The following SLMAP variants were observed in gnomAD, a reference collection of about 807,000 sequenced individuals.
SLMAP encodes the protein sarcolemmal membrane-associated protein.
Under a neutral mutation model 128.8 loss-of-function variants are expected in SLMAP, and 44 were observed. The ratio of observed to expected loss-of-function variants is 0.34; its 90% CI spans 0.27 to 0.44. SLMAP has a LOEUF of 0.44. SLMAP is among the 20% of genes least tolerant of loss of function. The probability of loss-of-function intolerance (pLI) is 1.00; values close to 1 mark genes in which losing one functional copy is unlikely to be tolerated. For synonymous variants in SLMAP, 327 were observed against 348.8 expected (o/e 0.94, Z 0.70); for missense variants, 787 against 985.3 (o/e 0.80, Z 2.69).
chr3:57,790,219 G>T (rs2085162343), intron 2 of SLMAP, among the ~76,000 whole-genome samples: 1 of 152,184 alleles, frequency 6.6e-6, no homozygotes, highest in South Asian at 2.1e-4. Flanking sequence ...AAAAGTTTGT[G>T]TGTGTATATG....
intron 8 of SLMAP, among the ~76,000 whole-genome samples, chr3:57,859,502 T>A (rs2094948761): frequency 6.6e-6 from 1 of 152,040 alleles, no homozygotes; most frequent in Non-Finnish European, 1.5e-5. Context: ...TTACAGTGAG[T>A]TATGATCGCA....
chr3:57,757,835 C>T lies in SLMAP; in HGVS notation c.184C>T (p.His62Tyr). ...SRNHALVWFDHKTGKFYLQDT... is the reference protein window; with the variant it reads ...SRNHALVWFDYKTGKFYLQDT... ...GAACCACGCTCTCGTCTGGTTTGATCACAAGACGGGCAAGGTAATGTCACC... is the reference window on the plus strand; with the variant it reads ...GAACCACGCTCTCGTCTGGTTTGATTACAAGACGGGCAAGGTAATGTCACC... The change falls in exon 2 of 25, where the codon CAC (histidine) becomes TAC (tyrosine). Residue 62 changes from histidine (H) to tyrosine (Y), a missense_variant. Physicochemically the swap from His to Tyr is moderately conservative, Grantham distance 83 (BLOSUM62 2). This residue lies in a region of SLMAP where 72 missense variants were observed against 141.8 expected (regional missense o/e 0.51). Transcript: ENST00000671191. The T allele has an allele frequency of 6.2e-7, 1 of 1,614,010 alleles. No individual in the cohort carries two copies. Among genetic ancestry groups the T allele is most frequent in the Non-Finnish European group, 8.5e-7 (1 of 1,179,896 alleles).
intron 2 of SLMAP, among the ~76,000 whole-genome samples, chr3:57,819,903 C>A (rs2092345012): frequency 6.6e-6 from 1 of 152,066 alleles, no homozygotes; most frequent in Non-Finnish European, 1.5e-5. Flanking sequence ...AGGCACACAC[C>A]ATCACACCCA....
intron 8 of SLMAP, among the ~76,000 whole-genome samples, chr3:57,858,700 T>C (rs568763503): frequency 1.3e-5 from 2 of 152,198 alleles, no homozygotes; most frequent in Admixed American, 6.6e-5. Context: ...CCCAGCACTT[T>C]GGGAGGATGA....
intron 23 of SLMAP, among the ~76,000 whole-genome samples, chr3:57,924,664 G>T (rs1177548257): frequency 2.0e-5 from 3 of 152,082 alleles, no homozygotes; most frequent in Admixed American, 2.0e-4. Flanking sequence ...ACCGTGTCCA[G>T]CTCTGCCTGT....
chr3:57,816,249 T>C (rs1374761603), intron 2 of SLMAP, among the ~76,000 whole-genome samples: 1 of 152,148 alleles, frequency 6.6e-6, no homozygotes, highest in East Asian at 1.9e-4. Flanking sequence ...GTTCAAGTTA[T>C]TCTCCTGCCT....
intron 14 of SLMAP, among the ~76,000 whole-genome samples, chr3:57,881,667 A>G (rs1162235192): frequency 6.6e-6 from 1 of 152,116 alleles, no homozygotes; most frequent in Admixed American, 6.6e-5. Context: ...AGTGTTGGCC[A>G]GGATGGTCTC....
chr3:57,837,395 G>T (rs539494631), intron 3 of SLMAP, among the ~76,000 whole-genome samples: 57 of 152,196 alleles, frequency 3.7e-4, no homozygotes, highest in African/African-American at 1.3e-3. Context: ...TTGAGACAAG[G>T]TCTCACTCTG....
At chr3:57,886,288 G>A (rs75147132) in intron 14 of SLMAP, among the ~76,000 whole-genome samples, 37,821 of 150,754 alleles carry the variant, frequency 0.25, 5,184 homozygotes, top group East Asian at 0.47. Context: ...TAGTAGAACC[G>A]GGTTTTCACC....
At chr3:57,894,882 T>C (rs2096199119) in intron 15 of SLMAP, among the ~76,000 whole-genome samples, 1 of 152,178 alleles carries the variant, frequency 6.6e-6, no homozygotes, top group Non-Finnish European at 1.5e-5. Context: ...AGGGACCAGA[T>C]TACGGCTAAA....
chr3:57,812,153 A>G (rs1368219179), intron 2 of SLMAP, among the ~76,000 whole-genome samples: 2 of 152,144 alleles, frequency 1.3e-5, no homozygotes, highest in Non-Finnish European at 2.9e-5. Flanking sequence ...GCCAAATCCA[A>G]TGTTGTGAAG....
Position 57,757,733 on chromosome 3 carries a change from A to G in SLMAP, c.82A>G (p.Ile28Val). ...GCGTCATGTCTACCTGGACGAGCCC[A>G]TCAAAATCGGCCGCTCAGTGGCCCG... Reference protein sequence around the residue: ...QERHVYLDEPIKIGRSVARCR... With the variant: ...QERHVYLDEPVKIGRSVARCR... The change falls in exon 2 of 25, where the codon ATC becomes GTC. Residue 28 changes from isoleucine to valine, a missense_variant. Physicochemically the swap from Ile to Val is conservative, Grantham distance 29 (BLOSUM62 3). Coordinates refer to ENST00000671191, the MANE Select transcript of SLMAP (RefSeq NM_001377540.1). 1 of 1,614,164 alleles carries G rather than the reference A, an allele frequency of 6.2e-7. No homozygotes were observed. Among genetic ancestry groups the G allele is most frequent in the Non-Finnish European group, 8.5e-7 (1 of 1,180,038 alleles).
chr3:57,835,580 A>T (rs1407860235), intron 3 of SLMAP, among the ~76,000 whole-genome samples: 1 of 152,238 alleles, frequency 6.6e-6, no homozygotes, highest in Non-Finnish European at 1.5e-5. Context: ...TAGAAAGACC[A>T]TGCAACTGTA....
chr3:57,861,945 G>A lies in SLMAP; in HGVS notation c.829-4G>A, dbSNP rs781322130. The A allele has an allele frequency of 5.0e-5, 80 of 1,608,396 alleles. No homozygotes were observed. Among genetic ancestry groups the A allele is most frequent in the Non-Finnish European group, 5.6e-5 (66 of 1,176,320 alleles). On this transcript the variant is annotated splice_region_variant and splice_polypyrimidine_tract_variant and intron_variant, in intron 9 of 24. Transcript: ENST00000671191. ...ATTAAATTGCCTGTAAACTTGAATC[G>A]CAGCGAAGTCTGAGTAATACTGAAG... is the stretch of plus-strand genomic sequence containing the variant.
chr3:57,850,602 C>A (rs1367316736), intron 6 of SLMAP, among the ~76,000 whole-genome samples: 1 of 151,854 alleles, frequency 6.6e-6, no homozygotes, highest in African/African-American at 2.4e-5. Flanking sequence ...ATTCTTTATC[C>A]ATAGATGACT....
At chr3:57,791,098 G>A (rs749673737) in intron 2 of SLMAP, among the ~76,000 whole-genome samples, 9 of 152,172 alleles carry the variant, frequency 5.9e-5, no homozygotes, top group Non-Finnish European at 1.2e-4. Context: ...GCTTACGCTT[G>A]TAATCCCAGC....
chr3:57,910,838 T>C (rs2096676582), intron 19 of SLMAP, among the ~76,000 whole-genome samples: 1 of 152,184 alleles, frequency 6.6e-6, no homozygotes, highest in Admixed American at 6.5e-5. Context: ...GTAATCACTA[T>C]TCAGAAGAGA....
At chr3:57,776,524 T>C (rs142578074) in intron 2 of SLMAP, among the ~76,000 whole-genome samples, 168 of 68,474 alleles carry the variant, frequency 2.5e-3, no homozygotes, top group East Asian at 0.014. Context: ...CTCTCTCTCT[T>C]TTTTTTTTTT....
intron 2 of SLMAP, among the ~76,000 whole-genome samples, chr3:57,764,543 A>C (rs2079301344): frequency 6.6e-6 from 1 of 152,110 alleles, no homozygotes; most frequent in Non-Finnish European, 1.5e-5. Context: ...GTGATACAAT[A>C]GTGATACAAT....
Sources: gnomAD v4.1 joint callset for allele counts (sites outside exome capture counted in the v4.1 genomes callset) on GRCh38, gnomAD v4.1.1 for gene constraint, gnomAD v4.1.1 regional missense constraint, MANE v1.5 for transcripts, NCBI Gene and HGNC (gene_info 2026-07-23, HGNC 2026-07-21) for gene names.